MGAT5: variants seen among roughly 807,000 people sequenced by gnomAD.
The protein encoded by MGAT5 is alpha-1,6-mannosylglycoprotein 6-beta-N-acetylglucosaminyltransferase A.
Under a neutral mutation model 94.3 loss-of-function variants are expected in MGAT5, and 30 were observed. The observed-to-expected ratio is 0.32, with a 90% CI of 0.24 to 0.43. The LOEUF is 0.43. MGAT5 is among the 20% of genes least tolerant of loss of function. The probability of loss-of-function intolerance (pLI) is 1.00; values close to 1 mark genes in which losing one functional copy is unlikely to be tolerated. For missense variants in MGAT5, 691 were observed against 905.5 expected (o/e 0.76, Z 3.04); for synonymous variants, 310 against 322.9 (o/e 0.96, Z 0.43).
At chr2:134,194,307 A>C (rs1679388610) in intron 1 of MGAT5, among the ~76,000 whole-genome samples, 1 of 152,100 alleles carries the variant, frequency 6.6e-6, no homozygotes, top group Non-Finnish European at 1.5e-5. Context: ...AATACACTTC[A>C]ACTTCTGCAT....
chr2:134,363,798 TC>T (rs1680251695), intron 10 of MGAT5, among the ~76,000 whole-genome samples: 1 of 152,236 alleles, frequency 6.6e-6, no homozygotes, highest in Non-Finnish European at 1.5e-5. Context: ...TCGAAGATGG[TC>T]CCATAAATTT....
At chr2:134,436,623 C>T (rs1277679609) in intron 14 of MGAT5, among the ~76,000 whole-genome samples, 1 of 152,120 alleles carries the variant, frequency 6.6e-6, no homozygotes, top group African/African-American at 2.4e-5. Flanking sequence ...CCCTGCTGGA[C>T]CTGAGGTGCA....
intron 15 of MGAT5, among the ~76,000 whole-genome samples, chr2:134,442,738 G>A (rs1264755145): frequency 6.6e-6 from 1 of 152,114 alleles, no homozygotes; most frequent in South Asian, 2.1e-4. Context: ...TCTTTGACAG[G>A]CTTGAATCCA....
At position 134,213,486 on chromosome 2, in the gene MGAT5, A is replaced by G. The variant is rs191525517; in HGVS notation, c.-142-40776A>G. ...TCTCCAGGTAATAACTGGATGTCCT[A>G]CAATTCAATTCTGACACTACCGGGA... On this transcript the variant is annotated intron_variant, in intron 1 of 16. Coordinates refer to the MGAT5 transcript ENST00000409645. Among the ~76,000 whole-genome samples, 5 of 152,264 alleles carry G rather than the reference A, an allele frequency of 3.3e-5. No individual in the cohort carries two copies. In the East Asian group the frequency reaches 9.6e-4, roughly 29 times the overall value.
At chr2:134,320,841 C>CCCTCT (rs1687270669) in intron 4 of MGAT5, among the ~76,000 whole-genome samples, 1 of 152,124 alleles carries the variant, frequency 6.6e-6, no homozygotes, top group African/African-American at 2.4e-5. Flanking sequence ...TGGGGTTTGC[C>CCCTCT]CCTCTCTCAG....
chr2:134,441,458 C>T lies in MGAT5; in HGVS notation c.1870-300C>T, dbSNP rs1444325074. 3.9e-5 allele frequency among the ~76,000 whole-genome samples: 6 copies of T among 152,228 alleles called. 1 individual carries two copies. Among genetic ancestry groups the T allele is most frequent in the African/African-American group, 9.6e-5 (4 of 41,462 alleles). On this transcript the variant is annotated intron_variant, in intron 14 of 15. Coordinates refer to ENST00000281923, the MANE Select transcript of MGAT5 (RefSeq NM_002410.5). ...GATGATTGAGAATAGCCACCCTTCA[C>T]GGGCAGGCGTGGTGCCAAGCTCATC...
At chr2:134,396,792 G>A (rs974775137) in intron 10 of MGAT5, among the ~76,000 whole-genome samples, 9 of 152,336 alleles carry the variant, frequency 5.9e-5, no homozygotes, top group Admixed American at 2.0e-4. Context: ...TTCTGCCCTG[G>A]AGAAGTTCAC....
chr2:134,362,294 C>G lies in MGAT5; in HGVS notation c.1266C>G (p.Ser422Arg). 6.2e-7 allele frequency: 1 copy of G among 1,613,912 alleles called. No individual in the cohort carries two copies. Residue 422 changes from serine to arginine, a missense_variant, in exon 10 of 16, where the codon AGC (serine) becomes AGG (arginine). Ser to Arg is a moderately radical substitution (Grantham distance 110). Transcript: ENST00000281923. ...CACCAGCTCATACCCCAGACAACAG[C>G]TTTCTGGGGTTTGTGGTTGAGCAGC... ...YTMFPHTPDNSFLGFVVEQHL... is the reference protein window; with the variant it reads ...YTMFPHTPDNRFLGFVVEQHL...
In MGAT5 at chr2:134,338,432, A is replaced by G; in HGVS notation, c.807+12A>G. ...GAAAGCGGAAGAAAGTGAGTTTCTTATTAATTCAGTGCAGTTAGATGCCAG... is the reference window on the plus strand; with the variant it reads ...GAAAGCGGAAGAAAGTGAGTTTCTTGTTAATTCAGTGCAGTTAGATGCCAG... On this transcript the variant is annotated intron_variant, in intron 6 of 15. Coordinates refer to ENST00000281923, the MANE Select transcript of MGAT5 (RefSeq NM_002410.5). 1 of 1,591,278 alleles carries G rather than the reference A, an allele frequency of 6.3e-7. No individual in the cohort carries two copies. Among genetic ancestry groups the G allele is most frequent in the Non-Finnish European group, 8.5e-7 (1 of 1,171,250 alleles).
Position 134,454,318 on chromosome 2 carries a change from C to T in MGAT5, c.*5471C>T, listed in dbSNP as rs1212722688. 1 of 152,234 alleles carries T rather than the reference C, an allele frequency of 6.6e-6. No individual in the cohort carries two copies. The highest frequency in any genetic ancestry group is 6.5e-5 in the Admixed American group (1 of 15,284). The allele number at this position is 152,234 out of a possible 1,614,324, so 9.4% of individuals were successfully genotyped here. A position where few individuals can be genotyped will look rare whatever the true frequency, so the allele number is the denominator to read the frequency against. On this transcript the variant is annotated 3_prime_UTR_variant, in exon 16 of 16. Coordinates refer to ENST00000281923, the MANE Select transcript of MGAT5 (RefSeq NM_002410.5). Reference sequence around the variant, plus strand: ...ACTTGGGAAGCATTTTGCTCATTGTCCTACCCAAGTATTAATAGCATAATA... The same window carrying T: ...ACTTGGGAAGCATTTTGCTCATTGTTCTACCCAAGTATTAATAGCATAATA...
At chr2:134,260,135 G>A (rs995871957) in intron 1 of MGAT5, among the ~76,000 whole-genome samples, 2 of 152,300 alleles carry the variant, frequency 1.3e-5, no homozygotes, top group African/African-American at 2.4e-5. Context: ...GCAAGCAGTG[G>A]CATGGAAGGT....
intron 1 of MGAT5, among the ~76,000 whole-genome samples, chr2:134,266,248 T>C (rs1490262199): frequency 6.6e-6 from 1 of 152,110 alleles, no homozygotes; most frequent in Non-Finnish European, 1.5e-5. Context: ...GGAGTATTGC[T>C]CTGGCTCTGT....
intron 8 of MGAT5, among the ~76,000 whole-genome samples, chr2:134,346,881 A>G (rs145719903): frequency 6.6e-6 from 1 of 152,288 alleles, no homozygotes; most frequent in Non-Finnish European, 1.5e-5. Flanking sequence ...GCCATGTTTT[A>G]TGTCAAACAC....
intron 1 of MGAT5, among the ~76,000 whole-genome samples, chr2:134,221,186 C>T (rs180701884): frequency 2.0e-5 from 3 of 152,186 alleles, no homozygotes; most frequent in Non-Finnish European, 2.9e-5. Context: ...AGAACATGTG[C>T]CGAAGGTGGT....
chr2:134,447,244 T>C (rs1685838115), intron 15 of MGAT5, among the ~76,000 whole-genome samples: 1 of 152,072 alleles, frequency 6.6e-6, no homozygotes, highest in African/African-American at 2.4e-5. Context: ...AAATGAGACT[T>C]CCATGAACCA....
chr2:134,218,179 T>C (rs1680589861), intron 1 of MGAT5, among the ~76,000 whole-genome samples: 2 of 152,208 alleles, frequency 1.3e-5, no homozygotes, highest in African/African-American at 4.8e-5. Flanking sequence ...TTTGTGCAAA[T>C]GCCCCCACAG....
chr2:134,414,502 C>CA (rs897177761), intron 12 of MGAT5, among the ~76,000 whole-genome samples: 58 of 151,900 alleles, frequency 3.8e-4, no homozygotes, highest in Non-Finnish European at 5.7e-4. Flanking sequence ...TTATTTTTGA[C>CA]AAAAAATATG....
At chr2:134,173,102 A>G (rs1007044069) in intron 1 of MGAT5, among the ~76,000 whole-genome samples, 5 of 152,316 alleles carry the variant, frequency 3.3e-5, no homozygotes, top group Admixed American at 3.3e-4. Context: ...AGAAACAGAA[A>G]ATATGTCCTT....
intron 2 of MGAT5, among the ~76,000 whole-genome samples, chr2:134,275,006 T>C (rs13392447): frequency 0.013 from 1,983 of 152,310 alleles, 40 homozygotes; most frequent in African/African-American, 0.045. Context: ...GAAGTGCAAT[T>C]TCCCCCTCTT....
Sources: gnomAD v4.1 joint callset for allele counts (sites outside exome capture counted in the v4.1 genomes callset) on GRCh38, gnomAD v4.1.1 for gene constraint, MANE v1.5 for transcripts, NCBI Gene and HGNC (gene_info 2026-07-23, HGNC 2026-07-21) for gene names.